The following WDPCP variants were observed in gnomAD, a reference collection of about 807,000 sequenced individuals.
WDPCP encodes the protein WD repeat containing planar cell polarity effector, also known as WD repeat-containing and planar cell polarity effector protein fritz homolog.
Under a neutral mutation model 93.1 loss-of-function variants are expected in WDPCP, and 71 were observed. The ratio of observed to expected loss-of-function variants is 0.76; its 90% CI spans 0.63 to 0.93. WDPCP has a LOEUF of 0.93. WDPCP is among the 40% of genes least tolerant of loss of function. The pLI is 0.00. For missense variants in WDPCP, 844 were observed against 887.4 expected (o/e 0.95, Z 0.62); for synonymous variants, 315 against 315.0 (o/e 1.00, Z 0.00).
Position 63,575,450 on chromosome 2 carries a change from G to GTA in WDPCP, c.75+12745_75+12746dup, listed in dbSNP as rs1324369296. 3.9e-4 allele frequency among the ~76,000 whole-genome samples: 16 copies of GTA among 40,962 alleles called. 1 individual carries two copies. The highest frequency in any genetic ancestry group is 2.6e-3 in the African/African-American group (16 of 6,062). The allele number at this position is 40,962 out of a possible 152,430, so 26.9% of individuals were successfully genotyped here. A position where few individuals can be genotyped will look rare whatever the true frequency, so the allele number is the denominator to read the frequency against. On this transcript the variant is annotated intron_variant, in intron 1 of 17. Coordinates refer to ENST00000272321, the MANE Select transcript of WDPCP (RefSeq NM_015910.7). ...ACAGTGTATATACAGTGTATACACT[G>GTA]TATATACAGTATATATGCAGTATAT...
intron 13 of WDPCP, among the ~76,000 whole-genome samples, chr2:63,286,541 T>C (rs934410139): frequency 2.6e-5 from 4 of 152,176 alleles, no homozygotes; most frequent in South Asian, 2.1e-4. Flanking sequence ...TAAGAACTAA[T>C]GATAATCCCA....
intron 12 of WDPCP, among the ~76,000 whole-genome samples, chr2:63,323,621 C>G (rs1047155347): frequency 7.9e-5 from 12 of 152,120 alleles, no homozygotes; most frequent in African/African-American, 2.9e-4. Context: ...GGCATAACAT[C>G]TTTATAGGAC....
chr2:63,636,619 T>C (rs766822559), intron 3 of WDPCP, among the ~76,000 whole-genome samples: 5 of 152,118 alleles, frequency 3.3e-5, no homozygotes, highest in Non-Finnish European at 7.4e-5. Flanking sequence ...TCACTTTTTG[T>C]AGAGACAGGG....
intron 12 of WDPCP, among the ~76,000 whole-genome samples, chr2:63,375,947 T>C (rs1691821597): frequency 6.6e-6 from 1 of 151,992 alleles, no homozygotes; most frequent in East Asian, 1.9e-4. Context: ...TGGTCTTTAC[T>C]GTTTAGGGAT....
intron 13 of WDPCP, among the ~76,000 whole-genome samples, chr2:63,310,191 G>A (rs1686072984): frequency 6.6e-6 from 1 of 152,098 alleles, no homozygotes; most frequent in Admixed American, 6.6e-5. Context: ...GCACACTAGG[G>A]ATTTATGCAT....
At chr2:63,763,366 A>G (rs1204284447) in intron 2 of WDPCP, among the ~76,000 whole-genome samples, 1 of 152,026 alleles carries the variant, frequency 6.6e-6, no homozygotes, top group African/African-American at 2.4e-5. Flanking sequence ...TTAGCTGGGC[A>G]TGGTGGCACA....
intron 1 of WDPCP, among the ~76,000 whole-genome samples, chr2:63,573,090 A>G (rs1342660872): frequency 6.6e-6 from 1 of 152,070 alleles, no homozygotes; most frequent in Non-Finnish European, 1.5e-5. Context: ...CTTAAAAAAA[A>G]TAATTTTTTA....
intron 15 of WDPCP, among the ~76,000 whole-genome samples, chr2:63,173,611 T>C (rs951308786): frequency 2.0e-5 from 3 of 152,206 alleles, no homozygotes; most frequent in African/African-American, 7.2e-5. Flanking sequence ...ACTTTATTAC[T>C]AGAAGTTCAG....
intron 14 of WDPCP, among the ~76,000 whole-genome samples, chr2:63,231,911 C>A (rs1473608308): frequency 6.6e-6 from 1 of 152,018 alleles, no homozygotes; most frequent in Non-Finnish European, 1.5e-5. Context: ...GGAGGCATCA[C>A]GTTACCTGAC....
rs57591269 is a variant in WDPCP, at chr2:63,140,554, ATT to A, written c.2190+12358_2190+12359del. ...TCCTTGGTTAGGTATATTCCTAAGTATTTTTTTTTTTTTTGCAGCTATTATAA... is the reference window on the plus strand; with the variant it reads ...TCCTTGGTTAGGTATATTCCTAAGTATTTTTTTTTTTTGCAGCTATTATAA... On this transcript the variant is annotated intron_variant, in intron 17 of 17. Transcript: ENST00000272321. Among the ~76,000 whole-genome samples the A allele has an allele frequency of 2.2e-3, 322 of 145,996 alleles. 1 individual carries two copies. Among genetic ancestry groups the A allele is most frequent in the African/African-American group, 6.5e-3 (259 of 39,944 alleles).
intron 12 of WDPCP, among the ~76,000 whole-genome samples, chr2:63,357,701 T>C (rs1372035781): frequency 6.6e-6 from 1 of 152,114 alleles, no homozygotes; most frequent in Non-Finnish European, 1.5e-5. Flanking sequence ...AGTTTGGCGA[T>C]TCCTCCAAGA....
chr2:63,242,521 C>T (rs1436666137), intron 14 of WDPCP, among the ~76,000 whole-genome samples: 1 of 152,156 alleles, frequency 6.6e-6, no homozygotes, highest in Non-Finnish European at 1.5e-5. Context: ...ACACAGGAAG[C>T]TGAGGCAGGA....
At chr2:63,812,761 A>G (rs977595544) in intron 2 of WDPCP, among the ~76,000 whole-genome samples, 3 of 152,208 alleles carry the variant, frequency 2.0e-5, no homozygotes, top group African/African-American at 4.8e-5. Context: ...ATGGCAATAG[A>G]AAACTAATAC....
intron 13 of WDPCP, among the ~76,000 whole-genome samples, chr2:63,260,605 A>C (rs984113221): frequency 6.6e-6 from 1 of 152,200 alleles, no homozygotes; most frequent in African/African-American, 2.4e-5. Context: ...GCTGGAGTGC[A>C]GTGGCATGAT....
chr2:63,152,824 A>G (rs1671975031), intron 17 of WDPCP, 90 bp downstream of exon 17: 1 of 1,228,898 alleles, frequency 8.1e-7, no homozygotes, highest in Admixed American at 1.7e-5. Flanking sequence ...AGACCAATAG[A>G]TAGCATTTCT....
intron 13 of WDPCP, among the ~76,000 whole-genome samples, chr2:63,285,994 T>TTC (rs59879682): frequency 0.81 from 119,614 of 148,366 alleles, 48,864 homozygotes; most frequent in East Asian, 0.94. Context: ...TGAAACAAGT[T>TTC]TCTCTCTCTC....
intron 2 of WDPCP, among the ~76,000 whole-genome samples, chr2:63,776,933 G>A (rs1670313324): frequency 6.6e-6 from 1 of 152,094 alleles, no homozygotes; most frequent in African/African-American, 2.4e-5. Context: ...AGAAGAGAAT[G>A]GGAAGAGGTT....
At chr2:63,502,405 CT>C (rs1701614621) in intron 1 of WDPCP, among the ~76,000 whole-genome samples, 1 of 152,154 alleles carries the variant, frequency 6.6e-6, no homozygotes, top group African/African-American at 2.4e-5. Context: ...CCAAATTAGC[CT>C]CCAAAATGAT....
intron 11 of WDPCP, among the ~76,000 whole-genome samples, chr2:63,379,891 A>G (rs1471286694): frequency 1.3e-5 from 2 of 152,182 alleles, no homozygotes; most frequent in African/African-American, 2.4e-5. Context: ...CCTACTTAAA[A>G]TGTACATATT....
Sources: allele counts gnomAD v4.1 joint callset (sites outside exome capture counted in the v4.1 genomes callset), GRCh38; gene constraint gnomAD v4.1.1; transcripts MANE v1.5; gene names NCBI Gene and HGNC (gene_info 2026-07-23, HGNC 2026-07-21).